Variants in EP300 observed in about 807,000 individuals in gnomAD.
EP300 encodes histone acetyltransferase p300.
Under a neutral mutation model 264.0 loss-of-function variants are expected in EP300, and 31 were observed. The ratio of observed to expected loss-of-function variants is 0.12; its 90% CI spans 0.09 to 0.16. The LOEUF (loss-of-function observed/expected upper bound fraction) is 0.16, where lower values mean the gene tolerates loss of function less well. EP300 is among the 10% of genes least tolerant of loss of function. The pLI, the probability that EP300 is intolerant of heterozygous loss-of-function variation, is 1.00. For missense variants in EP300, 2,766 were observed against 3,052.9 expected (o/e 0.91, Z 2.21); for synonymous variants, 1,340 against 1,045.4 (o/e 1.28, Z -5.44).
At chr22:41,120,793 C>CT (rs909796827) in intron 2 of EP300, among the ~76,000 whole-genome samples, 77 of 152,342 alleles carry the variant, frequency 5.1e-4, no homozygotes, top group African/African-American at 1.8e-3. Context: ...TCACAGCTCA[C>CT]TTGCAGCCTT....
intron 23 of EP300, 72 bp from the exon 24 acceptor site, chr22:41,168,377 A>G (rs2059152120): frequency 2.6e-6 from 4 of 1,559,182 alleles, no homozygotes; most frequent in Non-Finnish European, 3.5e-6. Flanking sequence ...TACAAATGAG[A>G]TTTGAGGTTG....
Position 41,146,793 on chromosome 22 carries a change from T to C in EP300, c.2108T>C (p.Met703Thr). 6.2e-7 allele frequency: 1 copy of C among 1,614,172 alleles called. No homozygotes were observed. The highest frequency in any genetic ancestry group is 8.5e-7 in the Non-Finnish European group (1 of 1,180,012). The change falls in exon 11 of 31, where the codon ATG (methionine) becomes ACG (threonine). Residue 703 changes from methionine (M) to threonine (T), a missense_variant. Coordinates refer to ENST00000263253, the MANE Select transcript of EP300 (RefSeq NM_001429.4). ...MIRGSVPNQM[M>T]PRITPQSGLN... ...CGTGGCAGTGTGCCAAACCAGATGA[T>C]GCCTCGAATAACTCCACAATCTGGT...
intron 1 of EP300, among the ~76,000 whole-genome samples, chr22:41,106,437 C>G (rs1416385001): frequency 6.6e-6 from 1 of 152,172 alleles, no homozygotes; most frequent in Non-Finnish European, 1.5e-5. Context: ...CTTCTGATCT[C>G]TGCCCACCTC....
intron 19 of EP300, 25 bp downstream of exon 19, chr22:41,158,525 T>C (rs746732378): frequency 6.3e-7 from 1 of 1,589,680 alleles, no homozygotes; most frequent in Admixed American, 1.7e-5. Context: ...GTGTGGACCA[T>C]GGTCCATGTG....
At chr22:41,172,434 A>T (rs1488580179) in intron 27 of EP300, 65 bp from the exon 28 acceptor site, 6 of 1,401,500 alleles carry the variant, frequency 4.3e-6, no homozygotes, top group Non-Finnish European at 6.0e-6. Context: ...AGCCATGATT[A>T]TTCTGTATAA....
At chr22:41,174,181 C>G (rs1178911200) in intron 29 of EP300, among the ~76,000 whole-genome samples, 11 of 152,164 alleles carry the variant, frequency 7.2e-5, no homozygotes, top group Admixed American at 6.5e-4. Context: ...CCTGTAATCC[C>G]AGCACTTTGG....
At chr22:41,115,835 C>T (rs765522078) in intron 1 of EP300, among the ~76,000 whole-genome samples, 6 of 152,180 alleles carry the variant, frequency 3.9e-5, no homozygotes, top group East Asian at 1.9e-4. Flanking sequence ...TCAAAAACTC[C>T]GCCTGTTAAA....
Position 41,135,875 on chromosome 22 carries a change from T to C in EP300, c.1591T>C (p.Ser531Pro). ...TCAAACGCCGAGTCTTCTTTCTGAC[T>C]CAATGTTGCATTCAGCCATAAATTC... ...GVQTPSLLSDSMLHSAINSQN... is the reference protein window; with the variant it reads ...GVQTPSLLSDPMLHSAINSQN... Residue 531 changes from serine to proline, a missense_variant, in exon 7 of 31, where the codon TCA becomes CCA. Transcript: ENST00000263253. 1 of 1,614,134 alleles carries C rather than the reference T, an allele frequency of 6.2e-7. No homozygotes were observed. Among genetic ancestry groups the C allele is most frequent in the Non-Finnish European group, 8.5e-7 (1 of 1,179,970 alleles).
In EP300 at chr22:41,179,115, T is replaced by C. The variant is rs756852477; in HGVS notation, c.*159T>C. ...AGCCGTTTGTGGTTTAAAGCAAACATGCAAGATGAACCTGAGGGATGATAG... is the reference window on the plus strand; with the variant it reads ...AGCCGTTTGTGGTTTAAAGCAAACACGCAAGATGAACCTGAGGGATGATAG... On this transcript the variant is annotated 3_prime_UTR_variant, in exon 31 of 31. Coordinates refer to ENST00000263253, the MANE Select transcript of EP300 (RefSeq NM_001429.4). 2.7e-5 allele frequency: 21 copies of C among 766,734 alleles called. No homozygotes were observed. Among genetic ancestry groups the C allele is most frequent in the Middle Eastern group, 3.8e-4 (1 of 2,664 alleles). The allele number at this position is 766,734 out of a possible 1,614,324, so 47.5% of individuals were successfully genotyped here. A position where few individuals can be genotyped will look rare whatever the true frequency, so the allele number is the denominator to read the frequency against.
intron 2 of EP300, among the ~76,000 whole-genome samples, chr22:41,122,096 C>T (rs1053727096): frequency 6.6e-6 from 1 of 151,428 alleles, no homozygotes; most frequent in Non-Finnish European, 1.5e-5. Context: ...ATTCTATTGC[C>T]CCTGCAATCT....
chr22:41,133,151 A>ACC (rs2058930190), intron 6 of EP300, among the ~76,000 whole-genome samples: 3 of 66,848 alleles, frequency 4.5e-5, no homozygotes, highest in African/African-American at 1.3e-4. Context: ...GCCTAAGATT[A>ACC]TCCCCCCCCC....
intron 1 of EP300, among the ~76,000 whole-genome samples, chr22:41,094,846 C>T (rs563755144): frequency 6.6e-6 from 1 of 152,238 alleles, no homozygotes; most frequent in East Asian, 1.9e-4. Context: ...CTGATTTGAG[C>T]AGTTTCGTCT....
chr22:41,176,202 A>G (rs777640820), intron 29 of EP300, 45 bp from the exon 30 acceptor site: 3 of 1,611,222 alleles, frequency 1.9e-6, no homozygotes, highest in Non-Finnish European at 1.7e-6. Flanking sequence ...CCTGGATGAC[A>G]GAGCGAGGCC....
chr22:41,157,436 T>C (rs1262150278), intron 18 of EP300, 28 bp downstream of exon 18: 2 of 1,611,322 alleles, frequency 1.2e-6, no homozygotes, highest in South Asian at 1.1e-5. Context: ...GATTTGACTT[T>C]AACTTTTCTG....
chr22:41,154,321 C>T lies in EP300; in HGVS notation c.3143-674C>T, dbSNP rs139907524. On this transcript the variant is annotated intron_variant, in intron 16 of 30. Coordinates refer to ENST00000263253, the MANE Select transcript of EP300 (RefSeq NM_001429.4). ...TAAATACTGATGTCATGAAGAAAGA[C>T]TTTTCTGTTCTTGCTTGACTGCATC... 1.2e-4 allele frequency among the ~76,000 whole-genome samples: 18 copies of T among 144,406 alleles called. No individual in the cohort carries two copies. In the East Asian group the frequency reaches 3.6e-3, roughly 29 times the overall value. The allele number at this position is 144,406 out of a possible 152,430, so 94.7% of individuals were successfully genotyped here.
At position 41,141,352 on chromosome 22, in the gene EP300, A is replaced by G. The variant is rs953847737; in HGVS notation, c.2053+130A>G. 10 of 976,080 alleles carry G rather than the reference A, an allele frequency of 1.0e-5. No homozygotes were observed. In the African/African-American group the frequency reaches 1.6e-4, roughly 16 times the overall value. The allele number at this position is 976,080 out of a possible 1,614,324, so 60.5% of individuals were successfully genotyped here. ...TTTAAATAACCATTTGCCTTTGCAAAGAAAATAACTCATCTACTAGTAAAA... is the reference window on the plus strand; with the variant it reads ...TTTAAATAACCATTTGCCTTTGCAAGGAAAATAACTCATCTACTAGTAAAA... On this transcript the variant is annotated intron_variant, in intron 10 of 30. Transcript: ENST00000263253.
In EP300 at chr22:41,173,451, T is replaced by C. The variant is rs1221578991; in HGVS notation, c.4618-172T>C. Among the ~76,000 whole-genome samples, 6 of 152,138 alleles carry C rather than the reference T, an allele frequency of 3.9e-5. No individual in the cohort carries two copies. The South Asian group carries it at 8.3e-4, about 21-fold the overall frequency. On this transcript the variant is annotated intron_variant, in intron 28 of 30. Coordinates refer to ENST00000263253, the MANE Select transcript of EP300 (RefSeq NM_001429.4). ...GCCTTAAAGATCACTGGGAGAAAAT[T>C]AGGTCAAATAACAACTTTAAGGAGA...
rs1205122557 is a variant in EP300 at position 41,161,371 on chromosome 22, A to G, written c.3671+649A>G. On this transcript the variant is annotated intron_variant, in intron 20 of 30. Transcript: ENST00000263253. ...GGTGGCTCATGCCTGTCATCTCAGC[A>G]CTTTGGGAGGCCAAGGCGGGCGGAT... is the stretch of plus-strand genomic sequence containing the variant. Among the ~76,000 whole-genome samples, 4 of 152,208 alleles carry G rather than the reference A, an allele frequency of 2.6e-5. No individual in the cohort carries two copies. In the East Asian group the frequency reaches 7.7e-4, roughly 29 times the overall value.
chr22:41,147,792 A>AT, intron 11 of EP300, 45 bp from the exon 12 acceptor site: 2 of 1,280,774 alleles, frequency 1.6e-6, no homozygotes, highest in Non-Finnish European at 2.3e-6. Context: ...TTATTATTCA[A>AT]TTTCACAAAG....
Sources: gnomAD v4.1 joint callset for allele counts (sites outside exome capture counted in the v4.1 genomes callset) on GRCh38, gnomAD v4.1.1 for gene constraint, MANE v1.5 for transcripts, NCBI Gene and HGNC (gene_info 2026-07-23, HGNC 2026-07-21) for gene names.